The following TEAD1 variants were observed in gnomAD, a reference collection of about 807,000 sequenced individuals.
TEAD1 encodes transcriptional enhancer factor TEF-1.
A neutral mutation model predicts 54.9 loss-of-function variants in TEAD1; 9 were observed. The ratio of observed to expected loss-of-function variants is 0.16; its 90% CI spans 0.10 to 0.29. The LOEUF is 0.29. Ranked by LOEUF, TEAD1 falls within the 10% of genes least tolerant of loss-of-function variation. The pLI, the probability that TEAD1 is intolerant of heterozygous loss-of-function variation, is 1.00. For synonymous variants in TEAD1, 200 were observed against 187.8 expected (o/e 1.07, Z -0.53); for missense variants, 387 against 535.9 (o/e 0.72, Z 2.74).
At chr11:12,851,113 A>G in intron 3 of TEAD1, 7 of 980,402 alleles carry the variant, frequency 7.1e-6, no homozygotes, top group Non-Finnish European at 8.5e-6. Context: ...TATTAAAACC[A>G]TTTATTGAGC....
chr11:12,887,079 T>C (rs192466761), intron 9 of TEAD1, among the ~76,000 whole-genome samples: 2 of 19,074 alleles, frequency 1.0e-4, no homozygotes, highest in Non-Finnish European at 2.8e-4. Flanking sequence ...GGAAGTTTTT[T>C]TGTTTTTTTT....
chr11:12,683,073 G>C (rs919499761), intron 2 of TEAD1, among the ~76,000 whole-genome samples: 6 of 152,174 alleles, frequency 3.9e-5, no homozygotes, highest in African/African-American at 1.4e-4. Flanking sequence ...GAGGGTGGTA[G>C]TGTATGGACA....
chr11:12,675,845 C>A (rs1194518423), intron 2 of TEAD1, among the ~76,000 whole-genome samples: 1 of 152,192 alleles, frequency 6.6e-6, no homozygotes, highest in Non-Finnish European at 1.5e-5. Context: ...TCAGAATTTT[C>A]TTTGCTTTTA....
At chr11:12,740,855 G>A (rs940816747) in intron 2 of TEAD1, among the ~76,000 whole-genome samples, 3 of 152,064 alleles carry the variant, frequency 2.0e-5, no homozygotes, top group Non-Finnish European at 4.4e-5. Flanking sequence ...TGCCTCGGTG[G>A]ATCCTGATGA....
At chr11:12,697,502 T>G (rs759823264) in intron 2 of TEAD1, among the ~76,000 whole-genome samples, 13 of 152,178 alleles carry the variant, frequency 8.5e-5, no homozygotes, top group Middle Eastern at 3.2e-3. Flanking sequence ...TAGATTTTTT[T>G]GGGGAGGAAA....
chr11:12,749,357 A>G (rs1460698773), intron 2 of TEAD1, among the ~76,000 whole-genome samples: 3 of 152,222 alleles, frequency 2.0e-5, no homozygotes, highest in Non-Finnish European at 4.4e-5. Context: ...CAGGGTTAAC[A>G]GAATCTGTAG....
intron 2 of TEAD1, among the ~76,000 whole-genome samples, chr11:12,747,001 C>T (rs1040875401): frequency 1.8e-4 from 27 of 152,350 alleles, no homozygotes; most frequent in African/African-American, 5.5e-4. Flanking sequence ...GTTGAGGCCA[C>T]AGACCAGGTA....
At chr11:12,689,742 C>T (rs1427776991) in intron 2 of TEAD1, among the ~76,000 whole-genome samples, 1 of 152,088 alleles carries the variant, frequency 6.6e-6, no homozygotes, top group African/African-American at 2.4e-5. Context: ...AATTGAACCC[C>T]TGTGCACCCA....
chr11:12,927,800 C>T (rs568536605), intron 11 of TEAD1, among the ~76,000 whole-genome samples: 18 of 151,972 alleles, frequency 1.2e-4, no homozygotes, highest in African/African-American at 2.9e-4. Context: ...TTTCTAGATT[C>T]GAATTAATAG....
At chr11:12,872,340 C>T (rs1947765628) in intron 5 of TEAD1, among the ~76,000 whole-genome samples, 1 of 152,190 alleles carries the variant, frequency 6.6e-6, no homozygotes, top group South Asian at 2.1e-4. Context: ...GCAACAACCT[C>T]CTTTGTCTGT....
At position 12,937,321 on chromosome 11, in the gene TEAD1, A is replaced by C; in HGVS notation, c.*99A>C. The C allele has an allele frequency of 1.5e-5, 16 of 1,061,696 alleles. No homozygotes were observed. Among genetic ancestry groups the C allele is most frequent in the Non-Finnish European group, 1.7e-5 (12 of 703,048 alleles). 65.8% of individuals were successfully genotyped at this position (1,061,696 alleles called of 1,614,324 possible). Reference sequence around the variant, plus strand: ...TATCGAACGACTGACTGTAAACCTCACCACACAGGGTGGTGCCCTGGCCCC... The same window carrying C: ...TATCGAACGACTGACTGTAAACCTCCCCACACAGGGTGGTGCCCTGGCCCC... On this transcript the variant is annotated 3_prime_UTR_variant, in exon 13 of 13. Transcript: ENST00000527636.
chr11:12,937,265 A>T lies in TEAD1; in HGVS notation c.*43A>T. On this transcript the variant is annotated 3_prime_UTR_variant, in exon 13 of 13. Coordinates refer to ENST00000527636, the MANE Select transcript of TEAD1 (RefSeq NM_021961.6). ...TATAGATATCTGTATATACACACAC[A>T]CATATGTGCACACACACACTCTCTC... The T allele has an allele frequency of 7.6e-7, 1 of 1,324,458 alleles. No homozygotes were observed. The allele number at this position is 1,324,458 out of a possible 1,614,324, so 82.0% of individuals were successfully genotyped here.
chr11:12,840,263 G>GAAAAAAA (rs1564959349), intron 3 of TEAD1, among the ~76,000 whole-genome samples: 1 of 43,544 alleles, frequency 2.3e-5, no homozygotes, highest in Non-Finnish European at 4.2e-5. Context: ...AAAAAAAAAA[G>GAAAAAAA]AAAAAAAAAA....
chr11:12,808,693 C>A (rs1323791994), intron 3 of TEAD1, among the ~76,000 whole-genome samples: 1 of 152,132 alleles, frequency 6.6e-6, no homozygotes, highest in Non-Finnish European at 1.5e-5. Flanking sequence ...AAAAAGCAAC[C>A]ACTGTGATTC....
In TEAD1 at chr11:12,941,408, T is replaced by A. The variant is rs1696285906; in HGVS notation, c.*4186T>A. 6.6e-6 allele frequency: 1 copy of A among 152,186 alleles called. No homozygotes were observed. The highest frequency in any genetic ancestry group is 2.1e-4 in the South Asian group (1 of 4,834). The allele number at this position is 152,186 out of a possible 1,614,324, so 9.4% of individuals were successfully genotyped here. Reference sequence around the variant, plus strand: ...AACAGCCCCCATTCCAAGTACTTGGTGTCAAAAGTCCCCGAACGACTTTTA... The same window carrying A: ...AACAGCCCCCATTCCAAGTACTTGGAGTCAAAAGTCCCCGAACGACTTTTA... On this transcript the variant is annotated 3_prime_UTR_variant, in exon 13 of 13. Coordinates refer to ENST00000527636, the MANE Select transcript of TEAD1 (RefSeq NM_021961.6).
chr11:12,731,494 T>C lies in TEAD1; in HGVS notation c.-54-32685T>C, dbSNP rs184108898. On this transcript the variant is annotated intron_variant, in intron 2 of 12. Transcript: ENST00000527636. Reference sequence around the variant, plus strand: ...ATTAACCATATATTTGGGGATAATATTTTGTACTTTTCTGGTAGGTGGAAT... The same window carrying C: ...ATTAACCATATATTTGGGGATAATACTTTGTACTTTTCTGGTAGGTGGAAT... Among the ~76,000 whole-genome samples, 309 of 152,328 alleles carry C rather than the reference T, an allele frequency of 2.0e-3. 1 individual carries two copies. Among genetic ancestry groups the C allele is most frequent in the South Asian group, 6.6e-3 (32 of 4,832 alleles).
At chr11:12,889,386 G>A (rs1269989548) in intron 9 of TEAD1, among the ~76,000 whole-genome samples, 1 of 23,110 alleles carries the variant, frequency 4.3e-5, no homozygotes, top group South Asian at 2.9e-3. Context: ...GGGGCACGGC[G>A]GGTTCCTCCA....
At chr11:12,797,161 G>A (rs1236051098) in intron 3 of TEAD1, among the ~76,000 whole-genome samples, 2 of 152,190 alleles carry the variant, frequency 1.3e-5, no homozygotes, top group South Asian at 2.1e-4. Flanking sequence ...TTTGTGGTGA[G>A]GGGAAGCACT....
At chr11:12,802,131 A>G (rs956980498) in intron 3 of TEAD1, among the ~76,000 whole-genome samples, 1 of 152,202 alleles carries the variant, frequency 6.6e-6, no homozygotes, top group African/African-American at 2.4e-5. Context: ...GATATAGCTC[A>G]AAGGTTACCC....
Sources: allele counts gnomAD v4.1 joint callset (sites outside exome capture counted in the v4.1 genomes callset), GRCh38; gene constraint gnomAD v4.1.1; transcripts MANE v1.5; gene names NCBI Gene and HGNC (gene_info 2026-07-23, HGNC 2026-07-21).